SI: variants seen among roughly 807,000 people sequenced by gnomAD.
SI encodes sucrase-isomaltase, intestinal.
In SI, 235 loss-of-function variants were observed where a neutral mutation model predicts 253.3. That is an observed-to-expected ratio of 0.93 (90% CI 0.83 to 1.03). SI has a LOEUF of 1.03. SI is among the 50% of genes least tolerant of loss of function. SI has a pLI of 0.00. For synonymous variants in SI, 819 were observed against 712.0 expected (o/e 1.15, Z -2.39); for missense variants, 2,442 against 2,211.1 (o/e 1.10, Z -2.09).
At chr3:165,039,811 C>T in intron 19 of SI, 76 bp downstream of exon 19, 1 of 976,268 alleles carries the variant, frequency 1.0e-6, no homozygotes, top group Non-Finnish European at 1.7e-6. Context: ...ATCTATTATT[C>T]AGATGTTTTG....
At chr3:164,993,038 T>C (rs565681185) in intron 41 of SI, among the ~76,000 whole-genome samples, 9 of 151,972 alleles carry the variant, frequency 5.9e-5, no homozygotes, top group African/African-American at 2.2e-4. Flanking sequence ...AAAATTTGTT[T>C]GTTCTTTTGT....
At chr3:165,076,830 C>G (rs1038058908) in intron 1 of SI, among the ~76,000 whole-genome samples, 1 of 151,522 alleles carries the variant, frequency 6.6e-6, no homozygotes. Flanking sequence ...CCACATATAT[C>G]TTATTTTTCT....
chr3:165,074,703 A>C, intron 2 of SI, 36 bp from the exon 3 acceptor site: 2 of 1,532,732 alleles, frequency 1.3e-6, no homozygotes, highest in Non-Finnish European at 1.8e-6. Context: ...ATAAAACATG[A>C]CATTAAATTA....
intron 40 of SI, 117 bp from the exon 41 acceptor site, chr3:164,994,522 C>T (rs1717923064): frequency 9.6e-7 from 1 of 1,044,138 alleles, no homozygotes; most frequent in South Asian, 1.4e-5. Context: ...TTGTCATGTG[C>T]TATGTACTTT....
intron 41 of SI, 125 bp from the exon 42 acceptor site, chr3:164,992,522 T>TA: frequency 1.5e-6 from 1 of 667,920 alleles, no homozygotes; most frequent in Non-Finnish European, 2.6e-6. Flanking sequence ...AACAAAACTG[T>TA]AAAAAAATTA....
At chr3:165,062,526 G>T (rs759644930) in intron 8 of SI, 43 bp from the exon 9 acceptor site, 13 of 973,884 alleles carry the variant, frequency 1.3e-5, no homozygotes, top group South Asian at 9.1e-5. Flanking sequence ...ATAGTGAAAA[G>T]GATTATAGTA....
chr3:165,004,807 G>A (rs1013672571), intron 37 of SI, among the ~76,000 whole-genome samples: 1 of 152,076 alleles, frequency 6.6e-6, no homozygotes, highest in Non-Finnish European at 1.5e-5. Context: ...AGCTAGGAAG[G>A]GTTGTGTGGG....
chr3:164,983,008 T>C lies in SI; in HGVS notation c.5241A>G (p.Leu1747=), dbSNP rs1285801574. 6.5e-6 allele frequency: 10 copies of C among 1,550,088 alleles called. No homozygotes were observed. The highest frequency in any genetic ancestry group is 8.8e-6 in the Non-Finnish European group (10 of 1,130,702). The change falls in exon 46 of 48, where the codon TTA becomes TTG. Residue 1747 remains leucine (L), a synonymous_variant. Coordinates refer to ENST00000264382, the MANE Select transcript of SI (RefSeq NM_001041.4). The stretch of plus-strand genomic sequence containing the variant: ...TATAAATAATCTTACATACCTGGTT[T>C]AAATTAAATTGTACAGATAAATATA... ...RDLYLSVQFN[L]NQTTLTSTIL... is the part of the protein sequence containing the mutation.
intron 1 of SI, among the ~76,000 whole-genome samples, chr3:165,077,670 T>C (rs1310813538): frequency 6.6e-6 from 1 of 151,680 alleles, no homozygotes; most frequent in Admixed American, 6.6e-5. Context: ...ATGACAAAGT[T>C]ACATTTAGTG....
rs1717043083 is a variant in SI at position 164,979,013 on chromosome 3, A to G, written c.*349T>C. The G allele has an allele frequency of 6.4e-6, 1 of 157,464 alleles. No individual in the cohort carries two copies. Among genetic ancestry groups the G allele is most frequent in the African/African-American group, 2.4e-5 (1 of 41,466 alleles). The allele number at this position is 157,464 out of a possible 1,614,324, so 9.8% of individuals were successfully genotyped here. A position where few individuals can be genotyped will look rare whatever the true frequency, so the allele number is the denominator to read the frequency against. On this transcript the variant is annotated 3_prime_UTR_variant, in exon 48 of 48. Transcript: ENST00000264382. ...ATCTGCTAAACATTGAGAAAAATAT[A>G]GTATATATAATTACATAAAAATTTT...
At chr3:164,982,200 T>C (rs745378974) in intron 47 of SI, 43 bp downstream of exon 47, 3 of 1,504,712 alleles carry the variant, frequency 2.0e-6, no homozygotes, top group Non-Finnish European at 2.8e-6. Flanking sequence ...GTAGATGCTT[T>C]AAATACGTAC....
chr3:164,983,945 T>C (rs1266712010), intron 45 of SI, among the ~76,000 whole-genome samples: 1 of 152,066 alleles, frequency 6.6e-6, no homozygotes, highest in East Asian at 1.9e-4. Flanking sequence ...ATCCTACAGG[T>C]AAAACTTGTT....
At chr3:165,060,327 A>C (rs555597762) in intron 9 of SI, among the ~76,000 whole-genome samples, 1 of 152,146 alleles carries the variant, frequency 6.6e-6, no homozygotes, top group Admixed American at 6.6e-5. Context: ...TATTGTAGAA[A>C]GTTAAATAAG....
At chr3:165,006,456 A>G (rs1238646065) in intron 37 of SI, among the ~76,000 whole-genome samples, 1 of 152,188 alleles carries the variant, frequency 6.6e-6, no homozygotes, top group South Asian at 2.1e-4. Context: ...TTGATGCTTT[A>G]TGTCTTAATG....
chr3:164,986,678 T>C (rs1717454857), intron 45 of SI, among the ~76,000 whole-genome samples: 1 of 152,210 alleles, frequency 6.6e-6, no homozygotes, highest in Admixed American at 6.5e-5. Flanking sequence ...TTTCTCATGT[T>C]AACGTGTGCT....
intron 17 of SI, 62 bp downstream of exon 17, chr3:165,042,997 G>T: frequency 1.0e-6 from 1 of 960,436 alleles, no homozygotes; most frequent in Non-Finnish European, 1.7e-6. Context: ...TTTAATTTAA[G>T]TACATTAATA....
At chr3:165,025,162 T>C (rs1711843755) in intron 25 of SI, among the ~76,000 whole-genome samples, 1 of 151,132 alleles carries the variant, frequency 6.6e-6, no homozygotes, top group African/African-American at 2.4e-5. Context: ...TTCAAGCTTA[T>C]TTCGTTGATG....
rs121912614 is a variant in SI at position 165,017,621 on chromosome 3, C to T, written c.3686G>A (p.Cys1229Tyr). ...TGAAGTATTTGCATATCCATAACGA[C>T]ATAATTGGAATCCCAAAGCCCAATA... is the stretch of plus-strand genomic sequence containing the variant. ...PAYWALGFQL[C>Y]RYGYANTSEV... Residue 1229 changes from cysteine to tyrosine, a missense_variant, in exon 31 of 48, where the codon TGT (cysteine) becomes TAT (tyrosine). Coordinates refer to ENST00000264382, the MANE Select transcript of SI (RefSeq NM_001041.4). 32 of 1,612,680 alleles carry T rather than the reference C, an allele frequency of 2.0e-5. No individual in the cohort carries two copies. The highest frequency in any genetic ancestry group is 2.7e-5 in the Non-Finnish European group (32 of 1,179,064).
chr3:165,088,910 A>G, the SI span, among the ~76,000 whole-genome samples: 3 of 152,048 alleles, frequency 2.0e-5, no homozygotes, highest in Admixed American at 6.5e-5. Context: ...GCTATTTACT[A>G]TAAAATCAAT....
Sources: gnomAD v4.1 joint callset for allele counts (sites outside exome capture counted in the v4.1 genomes callset) on GRCh38, gnomAD v4.1.1 for gene constraint, MANE v1.5 for transcripts, NCBI Gene and HGNC (gene_info 2026-07-23, HGNC 2026-07-21) for gene names.